CLIP2: variants seen among roughly 807,000 people sequenced by gnomAD.
CLIP2 encodes CAP-Gly domain containing linker protein 2.
A neutral mutation model predicts 111.7 loss-of-function variants in CLIP2; 41 were observed. The ratio of observed to expected loss-of-function variants is 0.37; its 90% CI spans 0.29 to 0.48. The LOEUF (loss-of-function observed/expected upper bound fraction) is 0.48, where lower values mean the gene tolerates loss of function less well. CLIP2 is among the 20% of genes least tolerant of loss of function. The pLI, the probability that CLIP2 is intolerant of heterozygous loss-of-function variation, is 0.99. For synonymous variants in CLIP2, 660 were observed against 644.2 expected, an observed-to-expected ratio of 1.02 and a Z score of -0.37; for missense variants, 1,160 against 1,422.1, an observed-to-expected ratio of 0.82 and a Z score of 2.96.
chr7:74,338,816 C>G lies in CLIP2; in HGVS notation c.490C>G (p.Leu164Val). 1 of 1,611,328 alleles carries G rather than the reference C, an allele frequency of 6.2e-7. No individual in the cohort carries two copies. Among genetic ancestry groups the G allele is most frequent in the South Asian group, 1.1e-5 (1 of 91,068 alleles). Residue 164 changes from leucine (L) to valine (V), a missense_variant, in exon 3 of 17, where the codon CTG (leucine) becomes GTG (valine). Physicochemically the swap from Leu to Val is conservative, Grantham distance 32 (BLOSUM62 1). This residue lies in a region of CLIP2 where 301 missense variants were observed against 315.2 expected (regional missense o/e 0.96). Transcript: ENST00000223398. The surrounding 1 kb of genome is among the most constrained non-coding windows in gnomAD (Gnocchi z 4.3). ...GAGTGATGCCCACTCCGTGGAGTCG[C>G]TGACTGCCCAGAACCTGTCATTGCA... is the stretch of plus-strand genomic sequence containing the variant. Reference protein sequence around the residue: ...SGSDAHSVESLTAQNLSLHSG... With the variant: ...SGSDAHSVESVTAQNLSLHSG...
At chr7:74,364,431 G>A in intron 8 of CLIP2, 116 bp downstream of exon 8, 3 of 812,798 alleles carry the variant, frequency 3.7e-6, no homozygotes, top group Non-Finnish European at 5.9e-6. Flanking sequence ...AAGGGGCTGG[G>A]GGGGAAAATG....
intron 9 of CLIP2, among the ~76,000 whole-genome samples, chr7:74,374,715 CAT>C (rs1554312451): frequency 6.6e-6 from 1 of 151,870 alleles, no homozygotes; most frequent in East Asian, 1.9e-4. Flanking sequence ...AGTGAGACTC[CAT>C]CTCGAAAAAA....
At chr7:74,307,329 G>C (rs542197412) in intron 1 of CLIP2, among the ~76,000 whole-genome samples, 2 of 152,296 alleles carry the variant, frequency 1.3e-5, no homozygotes, top group East Asian at 3.9e-4. Flanking sequence ...CCAGACCCGG[G>C]TCTGATTCCA....
intron 10 of CLIP2, among the ~76,000 whole-genome samples, chr7:74,377,319 C>T (rs1389226799): frequency 2.0e-5 from 3 of 152,220 alleles, no homozygotes; most frequent in African/African-American, 7.2e-5. Context: ...ACGGTGCCAA[C>T]GAGTACTTCC....
intron 3 of CLIP2, among the ~76,000 whole-genome samples, chr7:74,342,843 C>T (rs1462821189): frequency 3.3e-5 from 5 of 151,982 alleles, no homozygotes; most frequent in South Asian, 2.1e-4. Context: ...GTCAGGAGAT[C>T]GAGACCATGG....
chr7:74,308,774 C>G (rs1176949431), intron 1 of CLIP2, among the ~76,000 whole-genome samples: 5 of 152,008 alleles, frequency 3.3e-5, no homozygotes, highest in African/African-American at 1.2e-4. Flanking sequence ...TTTTCATGTG[C>G]TTATGGGCTG....
chr7:74,358,635 G>T (rs1482322013), intron 6 of CLIP2, among the ~76,000 whole-genome samples: 1 of 151,660 alleles, frequency 6.6e-6, no homozygotes, highest in East Asian at 1.9e-4. Context: ...AGGTTGGAGT[G>T]CAGTGACGCC....
At chr7:74,378,231 G>A (rs527978008) in intron 10 of CLIP2, among the ~76,000 whole-genome samples, 5 of 152,050 alleles carry the variant, frequency 3.3e-5, no homozygotes, top group East Asian at 2.0e-4. Context: ...AGGCTTGAGC[G>A]AGCCTCCCAC....
intron 8 of CLIP2, among the ~76,000 whole-genome samples, chr7:74,372,634 C>T (rs962122242): frequency 3.3e-5 from 5 of 152,020 alleles, no homozygotes; most frequent in African/African-American, 4.8e-5. Flanking sequence ...CTACCCCAAG[C>T]AGGGGCCAGC....
In CLIP2 at chr7:74,400,460, A is replaced by G; in HGVS notation, c.2971A>G (p.Met991Val). 1 of 1,614,112 alleles carries G rather than the reference A, an allele frequency of 6.2e-7. No individual in the cohort carries two copies. The highest frequency in any genetic ancestry group is 1.6e-4 in the Middle Eastern group (1 of 6,062). ...GCTTCTGCGGCTGCAGCACCAGCTG[A>G]TGAGCACGGAGGACGCCCTGCGGGA... ...PELLRLQHQLMSTEDALRDAL... is the reference protein window; with the variant it reads ...PELLRLQHQLVSTEDALRDAL... Residue 991 changes from methionine (M) to valine (V), a missense_variant, in exon 15 of 17, where the codon ATG becomes GTG. This residue lies in a region of CLIP2 where 676 missense variants were observed against 777.8 expected (regional missense o/e 0.87). Transcript: ENST00000223398.
Position 74,376,832 on chromosome 7 carries a change from TGC to T in CLIP2, c.2421+11_2421+12del. 1 of 1,553,316 alleles carries T rather than the reference TGC, an allele frequency of 6.4e-7. No homozygotes were observed. Among genetic ancestry groups the T allele is most frequent in the Non-Finnish European group, 8.7e-7 (1 of 1,148,864 alleles). On this transcript the variant is annotated intron_variant, in intron 10 of 16. Transcript: ENST00000223398. The surrounding 1 kb of genome is among the most constrained non-coding windows in gnomAD (Gnocchi z 7.1). Reference sequence around the variant, plus strand: ...CTCCCAGCACACCCACGTAGGCGCCTGCCCCTCCTGCTGGGGCGGGAGGGTCG... The same window carrying T: ...CTCCCAGCACACCCACGTAGGCGCCTCCCTCCTGCTGGGGCGGGAGGGTCG...
intron 1 of CLIP2, among the ~76,000 whole-genome samples, chr7:74,302,202 T>G (rs1788358092): frequency 6.6e-6 from 1 of 151,888 alleles, no homozygotes; most frequent in Non-Finnish European, 1.5e-5. Flanking sequence ...GCCTCCTTTA[T>G]TTTTTATTTT....
intron 2 of CLIP2, among the ~76,000 whole-genome samples, chr7:74,335,312 G>A (rs1019137417): frequency 1.3e-5 from 2 of 148,518 alleles, no homozygotes; most frequent in African/African-American, 2.5e-5. Context: ...TGAGGAGCAT[G>A]CAGTTGGCAC....
intron 16 of CLIP2, among the ~76,000 whole-genome samples, chr7:74,401,967 A>C (rs1048665542): frequency 6.6e-6 from 1 of 151,884 alleles, no homozygotes; most frequent in Non-Finnish European, 1.5e-5. Flanking sequence ...ATTAAAAAAA[A>C]AAAATTTTAA....
intron 8 of CLIP2, among the ~76,000 whole-genome samples, chr7:74,369,695 A>G (rs1790552168): frequency 6.7e-6 from 1 of 149,490 alleles, no homozygotes; most frequent in South Asian, 2.1e-4. Context: ...CATCTCTACT[A>G]AAAATACAAA....
In CLIP2 at chr7:74,400,555, G is replaced by C; in HGVS notation, c.3066G>C (p.Gln1022His). The part of the protein sequence containing the change: ...EAMRSCPDKA[Q>H]TIGNSGSANG... ...TGAGGAGCTGCCCTGACAAGGCCCAGGTGAGCCGCGGCTGACAGGGCCCAC... is the reference window on the plus strand; with the variant it reads ...TGAGGAGCTGCCCTGACAAGGCCCACGTGAGCCGCGGCTGACAGGGCCCAC... Residue 1022 changes from glutamine (Q) to histidine (H), a missense_variant and splice_region_variant, in exon 15 of 17, where the codon CAG becomes CAC. Coordinates refer to ENST00000223398, the MANE Select transcript of CLIP2 (RefSeq NM_003388.5). The C allele has an allele frequency of 6.4e-7, 1 of 1,551,620 alleles. No homozygotes were observed. The highest frequency in any genetic ancestry group is 8.7e-7 in the Non-Finnish European group (1 of 1,146,846).
intron 8 of CLIP2, among the ~76,000 whole-genome samples, chr7:74,369,996 A>G (rs1402047135): frequency 1.2e-5 from 1 of 80,986 alleles, no homozygotes; most frequent in African/African-American, 3.5e-5. Flanking sequence ...CATCTCTACT[A>G]AAAATACAAA....
chr7:74,339,656 CG>C (rs1254083916), intron 3 of CLIP2, among the ~76,000 whole-genome samples: 1 of 152,112 alleles, frequency 6.6e-6, no homozygotes, highest in Non-Finnish European at 1.5e-5. Flanking sequence ...TGCATTAAAA[CG>C]TATCACTCAT....
chr7:74,360,718 T>G (rs1174972378), intron 7 of CLIP2, among the ~76,000 whole-genome samples: 1 of 152,004 alleles, frequency 6.6e-6, no homozygotes, highest in Non-Finnish European at 1.5e-5. Flanking sequence ...GCCTGGTTAA[T>G]TTTTGTATTT....
Sources: allele counts gnomAD v4.1 joint callset (sites outside exome capture counted in the v4.1 genomes callset), GRCh38; gene constraint gnomAD v4.1.1; regional missense constraint gnomAD v4.1.1; non-coding constraint Gnocchi (gnomAD v3.1); transcripts MANE v1.5; gene names NCBI Gene and HGNC (gene_info 2026-07-23, HGNC 2026-07-21).